The following FGD4 variants were observed in gnomAD, a reference collection of about 807,000 sequenced individuals.
FGD4 encodes FYVE, RhoGEF and PH domain-containing protein 4.
Under a neutral mutation model 102.0 loss-of-function variants are expected in FGD4, and 42 were observed. The ratio of observed to expected loss-of-function variants is 0.41; its 90% CI spans 0.32 to 0.53. The LOEUF is 0.53. FGD4 is among the 20% of genes least tolerant of loss of function. The pLI, the probability that FGD4 is intolerant of heterozygous loss-of-function variation, is 0.21. For missense variants in FGD4, 902 were observed against 1,078.2 expected, an observed-to-expected ratio of 0.84 and a Z score of 2.29; for synonymous variants, 380 against 375.7, an observed-to-expected ratio of 1.01 and a Z score of -0.13.
chr12:32,536,939 T>C (rs1220043604), intron 1 of FGD4, among the ~76,000 whole-genome samples: 2 of 152,002 alleles, frequency 1.3e-5, no homozygotes, highest in Non-Finnish European at 1.5e-5. Context: ...CTTTTTTTTT[T>C]TTGAGACAGA....
intron 1 of FGD4, among the ~76,000 whole-genome samples, chr12:32,528,547 G>C (rs11052049): frequency 0.043 from 6,562 of 151,908 alleles, 199 homozygotes; most frequent in Non-Finnish European, 0.066. Context: ...GCACCACCAC[G>C]CCTGGCTAAC....
intron 1 of FGD4, among the ~76,000 whole-genome samples, chr12:32,400,230 T>A (rs1272874226): frequency 3.3e-5 from 5 of 152,210 alleles, no homozygotes; most frequent in Non-Finnish European, 5.9e-5. Flanking sequence ...AGAATTCTCT[T>A]TTTCTCTCTA....
In FGD4 at chr12:32,551,972, C is replaced by A. The variant is rs142306905; in HGVS notation, c.167-12165C>A. On this transcript the variant is annotated intron_variant, in intron 1 of 16. Coordinates refer to ENST00000534526, the MANE Select transcript of FGD4 (RefSeq NM_001370298.3). Reference sequence around the variant, plus strand: ...AGTAACACGAGGTGTTTTAATAAATCTGTTGCCCAGTCTCTTCCATATTGC... The same window carrying A: ...AGTAACACGAGGTGTTTTAATAAATATGTTGCCCAGTCTCTTCCATATTGC... Among the ~76,000 whole-genome samples, 145 of 152,276 alleles carry A rather than the reference C, an allele frequency of 9.5e-4. 1 individual carries two copies. Among genetic ancestry groups the A allele is most frequent in the African/African-American group, 3.2e-3 (135 of 41,554 alleles).
intron 2 of FGD4, among the ~76,000 whole-genome samples, chr12:32,569,200 C>T (rs1383542400): frequency 6.6e-6 from 1 of 152,146 alleles, no homozygotes; most frequent in Non-Finnish European, 1.5e-5. Flanking sequence ...GATCTCTTGC[C>T]TGAATTTCTA....
intron 8 of FGD4, 48 bp from the exon 9 acceptor site, chr12:32,610,728 C>T (rs1361110574): frequency 1.9e-6 from 3 of 1,547,978 alleles, no homozygotes; most frequent in Non-Finnish European, 1.8e-6. Context: ...TATAGAAGCA[C>T]AGGAAGGACA....
intron 1 of FGD4, among the ~76,000 whole-genome samples, chr12:32,474,658 C>T (rs1461029444): frequency 6.6e-6 from 1 of 152,008 alleles, no homozygotes; most frequent in African/African-American, 2.4e-5. Flanking sequence ...GCCTGTAATC[C>T]CAGCACCTTG....
At chr12:32,485,185 A>G (rs1377498870) in intron 1 of FGD4, among the ~76,000 whole-genome samples, 1 of 152,206 alleles carries the variant, frequency 6.6e-6, no homozygotes, top group Non-Finnish European at 1.5e-5. Context: ...CTTTATAGGC[A>G]TAACAAGGAT....
At chr12:32,444,606 T>C (rs1392606030) in intron 1 of FGD4, among the ~76,000 whole-genome samples, 1 of 152,108 alleles carries the variant, frequency 6.6e-6, no homozygotes, top group Non-Finnish European at 1.5e-5. Flanking sequence ...TGTTTCACCA[T>C]GTTGGCCAGG....
rs1949837605 is a variant in FGD4 at position 32,621,397 on chromosome 12, A to G, written c.1922+1527A>G. ...TCACAGAGCAGAGGGTGAAGAACCA[A>G]TCCTAGCTGTAGTGGTGTCAATATC... On this transcript the variant is annotated intron_variant, in intron 11 of 16. Transcript: ENST00000534526. Among the ~76,000 whole-genome samples, 2 of 152,134 alleles carry G rather than the reference A, an allele frequency of 1.3e-5. 1 individual carries two copies. Among genetic ancestry groups the G allele is most frequent in the Admixed American group, 1.3e-4 (2 of 15,264 alleles).
Position 32,399,853 on chromosome 12 carries a change from C to T in FGD4, c.60C>T (p.Pro20=). ...RRVAIRRKSN[P]SYLPPGVPRP... ...TGGCGATCCGGCGGAAGTCCAACCC[C>T]TCCTACCTGCCGCCCGGGGTGCCCC... Residue 20 remains proline (P), a synonymous_variant, in exon 1 of 17, where the codon CCC becomes CCT. Coordinates refer to ENST00000534526, the MANE Select transcript of FGD4 (RefSeq NM_001370298.3). 6.5e-7 allele frequency: 1 copy of T among 1,531,544 alleles called. No homozygotes were observed. Among genetic ancestry groups the T allele is most frequent in the Non-Finnish European group, 8.7e-7 (1 of 1,145,260 alleles). 94.9% of individuals were successfully genotyped at this position (1,531,544 alleles called of 1,614,324 possible). A position where few individuals can be genotyped will look rare whatever the true frequency, so the allele number is the denominator to read the frequency against.
At chr12:32,482,559 G>A (rs1943795483) in intron 1 of FGD4, among the ~76,000 whole-genome samples, 1 of 152,144 alleles carries the variant, frequency 6.6e-6, no homozygotes, top group African/African-American at 2.4e-5. Flanking sequence ...AGGACTGCAA[G>A]ATATGTTACT....
At chr12:32,563,816 C>G (rs1258310285) in intron 1 of FGD4, among the ~76,000 whole-genome samples, 1 of 152,174 alleles carries the variant, frequency 6.6e-6, no homozygotes, top group Non-Finnish European at 1.5e-5. Context: ...CCAGCCAACC[C>G]AGCGAAACCC....
At chr12:32,485,981 T>A in intron 1 of FGD4, 1 of 1,343,410 alleles carries the variant, frequency 7.4e-7, no homozygotes, top group East Asian at 2.9e-5. Context: ...TAGTTAGTTC[T>A]TTATCATGTT....
chr12:32,411,546 A>G (rs1941208990), intron 1 of FGD4, among the ~76,000 whole-genome samples: 8 of 152,118 alleles, frequency 5.3e-5, no homozygotes, highest in Admixed American at 3.3e-4. Context: ...AACAGCAACA[A>G]CAACAACAAA....
At chr12:32,450,229 C>A (rs555501479) in intron 1 of FGD4, among the ~76,000 whole-genome samples, 1 of 152,108 alleles carries the variant, frequency 6.6e-6, no homozygotes, top group Admixed American at 6.6e-5. Flanking sequence ...CTGCACCTGG[C>A]CTATTTTTAT....
At chr12:32,411,640 G>T (rs1474187976) in intron 1 of FGD4, among the ~76,000 whole-genome samples, 1 of 152,026 alleles carries the variant, frequency 6.6e-6, no homozygotes, top group Admixed American at 6.6e-5. Flanking sequence ...AGGGGTCATT[G>T]CTTACCATTT....
At chr12:32,407,631 C>T (rs1236505649) in intron 1 of FGD4, among the ~76,000 whole-genome samples, 1 of 152,136 alleles carries the variant, frequency 6.6e-6, no homozygotes, top group African/African-American at 2.4e-5. Context: ...ACTTTTTGCT[C>T]ATTTCTGTTT....
At chr12:32,477,682 A>G (rs928307479) in intron 1 of FGD4, among the ~76,000 whole-genome samples, 8 of 152,216 alleles carry the variant, frequency 5.3e-5, no homozygotes, top group Non-Finnish European at 1.5e-5. Context: ...CTAAGTGTAG[A>G]GAAAGAGTCC....
At chr12:32,453,225 AG>A (rs1169230239) in intron 1 of FGD4, among the ~76,000 whole-genome samples, 258 of 74,128 alleles carry the variant, frequency 3.5e-3, no homozygotes, top group South Asian at 0.013. Context: ...TATATAATAT[AG>A]ATATATATAT....
Sources: allele counts gnomAD v4.1 joint callset (sites outside exome capture counted in the v4.1 genomes callset), GRCh38; gene constraint gnomAD v4.1.1; transcripts MANE v1.5; gene names NCBI Gene and HGNC (gene_info 2026-07-23, HGNC 2026-07-21).